The following RASSF5 variants were observed in gnomAD, a reference collection of about 807,000 sequenced individuals.
RASSF5 encodes Ras association domain family member 5, also known as ras association domain-containing protein 5.
A neutral mutation model predicts 40.5 loss-of-function variants in RASSF5; 25 were observed. That is an observed-to-expected ratio of 0.62 (90% CI 0.45 to 0.86). RASSF5 has a LOEUF of 0.86. Among genes scored for constraint, RASSF5 ranks in the 40% least tolerant of loss-of-function variants. The pLI, the probability that RASSF5 is intolerant of heterozygous loss-of-function variation, is 0.00. For missense variants in RASSF5, 521 were observed against 572.8 expected (o/e 0.91, Z 0.92); for synonymous variants, 246 against 252.4 (o/e 0.97, Z 0.24).
chr1:206,531,164 C>A lies in RASSF5; in HGVS notation c.458-7008C>A, dbSNP rs1330660106. Among the ~76,000 whole-genome samples, 3 of 152,228 alleles carry A rather than the reference C, an allele frequency of 2.0e-5. No homozygotes were observed. Among genetic ancestry groups the A allele is most frequent in the African/African-American group, 7.2e-5 (3 of 41,466 alleles). ...GGACACCGGCCTGGGGTCGGATCAG[C>A]ACTCGCACTCTGGTCTCTCCACTTC... is the stretch of plus-strand genomic sequence containing the variant. On this transcript the variant is annotated intron_variant, in intron 1 of 5. Transcript: ENST00000579436. This position sits in a 1 kb window ranked among gnomAD's most constrained non-coding sequence, Gnocchi z 4.7.
chr1:206,572,621 G>A (rs1386924367), intron 2 of RASSF5: 1 of 152,178 alleles, frequency 6.6e-6, no homozygotes, highest in Non-Finnish European at 1.5e-5. Context: ...GGAAAGTATG[G>A]TCACTTCTCC....
At chr1:206,530,476 A>C (rs1468682034) in intron 1 of RASSF5, among the ~76,000 whole-genome samples, 1 of 152,228 alleles carries the variant, frequency 6.6e-6, no homozygotes, top group Non-Finnish European at 1.5e-5. Flanking sequence ...TTTTAGTGAC[A>C]ATATATTTAG....
chr1:206,580,089 C>A (rs1553405951), intron 2 of RASSF5, among the ~76,000 whole-genome samples: 1 of 152,302 alleles, frequency 6.6e-6, no homozygotes, highest in East Asian at 1.9e-4. Flanking sequence ...TTTGAGTCAG[C>A]CCTGGAAGGC....
intron 1 of RASSF5, among the ~76,000 whole-genome samples, chr1:206,521,031 A>G (rs1429223217): frequency 6.6e-6 from 1 of 152,194 alleles, no homozygotes; most frequent in African/African-American, 2.4e-5. Flanking sequence ...ACTCACAAAC[A>G]CATTCCCTGG....
At chr1:206,528,668 G>A (rs1370142948) in intron 1 of RASSF5, among the ~76,000 whole-genome samples, 2 of 151,964 alleles carry the variant, frequency 1.3e-5, no homozygotes, top group Non-Finnish European at 2.9e-5. Context: ...AGGGGCAGGG[G>A]GTATAAAGGA....
intron 2 of RASSF5, among the ~76,000 whole-genome samples, chr1:206,574,865 T>C (rs985656860): frequency 2.4e-4 from 35 of 146,980 alleles, no homozygotes; most frequent in African/African-American, 7.6e-4. Flanking sequence ...TTTTTTTTTT[T>C]TTTTTTTTTT....
In RASSF5 at chr1:206,507,573, C is replaced by A. The variant is rs1298387253; in HGVS notation, c.-30C>A. 4.1e-6 allele frequency: 6 copies of A among 1,459,280 alleles called. No homozygotes were observed. In the African/African-American group the frequency reaches 5.9e-5, roughly 14 times the overall value. 90.4% of individuals were successfully genotyped at this position (1,459,280 alleles called of 1,614,324 possible). A position where few individuals can be genotyped will look rare whatever the true frequency, so the allele number is the denominator to read the frequency against. On this transcript the variant is annotated 5_prime_UTR_variant, in exon 1 of 6. Coordinates refer to ENST00000579436, the MANE Select transcript of RASSF5 (RefSeq NM_182663.4). ...GGAGTAGCGCAGTCGCCAAAGCCGC[C>A]GCTGCCAAAGCTGCCGCCACTAGCC...
At chr1:206,581,472 A>G (rs1553406317) in intron 2 of RASSF5, among the ~76,000 whole-genome samples, 1 of 151,966 alleles carries the variant, frequency 6.6e-6, no homozygotes, top group East Asian at 1.9e-4. Context: ...GGTGGTGCGC[A>G]CCTGTAATCC....
At chr1:206,549,122 TC>T (rs34803712) in intron 2 of RASSF5, among the ~76,000 whole-genome samples, 76,331 of 151,370 alleles carry the variant, frequency 0.5, 19,750 homozygotes, top group East Asian at 0.74. Context: ...CACCTTGGCC[TC>T]TCAAAGTGCT....
At chr1:206,508,095 A>AC in intron 1 of RASSF5, 36 bp downstream of exon 1, 1 of 1,325,144 alleles carries the variant, frequency 7.5e-7, no homozygotes, top group Non-Finnish European at 9.7e-7. Flanking sequence ...GTGCGGGGAG[A>AC]CCGCAGTCTG....
chr1:206,574,837 A>C (rs1553404877), intron 2 of RASSF5, among the ~76,000 whole-genome samples: 1 of 147,862 alleles, frequency 6.8e-6, no homozygotes, highest in Non-Finnish European at 1.5e-5. Flanking sequence ...TGAGACCATC[A>C]CAAAGGGACC....
At position 206,538,244 on chromosome 1, in the gene RASSF5, C is replaced by T. The variant is rs1290113831; in HGVS notation, c.530C>T (p.Ser177Phe). 1.2e-6 allele frequency: 2 copies of T among 1,614,204 alleles called. No individual in the cohort carries two copies. The highest frequency in any genetic ancestry group is 1.7e-4 in the Middle Eastern group (1 of 6,042). The change falls in exon 2 of 6, where the codon TCC becomes TTC. Residue 177 changes from serine (S) to phenylalanine (F), a missense_variant. Ser to Phe is a radical substitution (Grantham distance 155, BLOSUM62 -2). Around this residue, in one of 2 missense-constraint regions of RASSF5, gnomAD observed 284 missense variants for 360.8 expected, o/e 0.79. Coordinates refer to ENST00000579436, the MANE Select transcript of RASSF5 (RefSeq NM_182663.4). ...GACTGCAGTCAGCAGGAGGGTTTAT[C>T]CCGGGACAGACCCTCTCCAGAAAGC... ...QLDCSQQEGL[S>F]RDRPSPESTL... is the part of the protein sequence containing the mutation.
intron 1 of RASSF5, among the ~76,000 whole-genome samples, chr1:206,519,972 T>C (rs1553395865): frequency 6.6e-6 from 1 of 152,144 alleles, no homozygotes; most frequent in African/African-American, 2.4e-5. Context: ...CACGAGCAAG[T>C]TGGTATTCAT....
At chr1:206,556,286 G>A (rs1269385876) in intron 2 of RASSF5, among the ~76,000 whole-genome samples, 1 of 152,194 alleles carries the variant, frequency 6.6e-6, no homozygotes, top group Non-Finnish European at 1.5e-5. Flanking sequence ...GTGTGACTCC[G>A]AGCCTTACTT....
chr1:206,587,780 A>T lies in RASSF5; in HGVS notation c.*802A>T, dbSNP rs1558526703. ...CATCGTCATGTGTTTCCCCAAAGGG[A>T]AGCCAGTCATTGACCATTTAAAAAG... On this transcript the variant is annotated 3_prime_UTR_variant, in exon 6 of 6. Transcript: ENST00000579436. 1 of 152,456 alleles carries T rather than the reference A, an allele frequency of 6.6e-6. No homozygotes were observed. Among genetic ancestry groups the T allele is most frequent in the Non-Finnish European group, 1.5e-5 (1 of 68,062 alleles). 9.4% of individuals were successfully genotyped at this position (152,456 alleles called of 1,614,324 possible). A position where few individuals can be genotyped will look rare whatever the true frequency, so the allele number is the denominator to read the frequency against.
intron 5 of RASSF5, 34 bp downstream of exon 5, chr1:206,585,329 T>C (rs781882964): frequency 1.3e-6 from 2 of 1,521,802 alleles, no homozygotes; most frequent in Non-Finnish European, 1.8e-6. Flanking sequence ...ACCCAGGCCT[T>C]AGGGCACCCT....
intron 1 of RASSF5, among the ~76,000 whole-genome samples, chr1:206,533,091 A>T (rs180677573): frequency 4.0e-5 from 6 of 151,808 alleles, no homozygotes; most frequent in Admixed American, 1.3e-4. Flanking sequence ...TAGCCATGGA[A>T]CTCCTGTGTC....
rs535987589 is a variant in RASSF5, at chr1:206,574,997, T to C, written c.580-8272T>C. Reference sequence around the variant, plus strand: ...GCCTTAGCCTCCCGAGTAGTTGGGATTACAGGCGCACGGATAATTTTTTTG... The same window carrying C: ...GCCTTAGCCTCCCGAGTAGTTGGGACTACAGGCGCACGGATAATTTTTTTG... On this transcript the variant is annotated intron_variant, in intron 2 of 5. Coordinates refer to ENST00000579436, the MANE Select transcript of RASSF5 (RefSeq NM_182663.4). Among the ~76,000 whole-genome samples, 7 of 151,646 alleles carry C rather than the reference T, an allele frequency of 4.6e-5. No individual in the cohort carries two copies. In the East Asian group the frequency reaches 1.4e-3, roughly 29 times the overall value.
chr1:206,572,362 G>T (rs1553404352), intron 2 of RASSF5, among the ~76,000 whole-genome samples: 5 of 152,156 alleles, frequency 3.3e-5, no homozygotes, highest in African/African-American at 1.2e-4. Context: ...GCCTGGCCTT[G>T]GAGTGGCTGT....
Sources: gnomAD v4.1 joint callset for allele counts (sites outside exome capture counted in the v4.1 genomes callset) on GRCh38, gnomAD v4.1.1 for gene constraint, gnomAD v4.1.1 regional missense constraint, Gnocchi (gnomAD v3.1) non-coding constraint, MANE v1.5 for transcripts, NCBI Gene and HGNC (gene_info 2026-07-23, HGNC 2026-07-21) for gene names.